Variants in FANCC observed in about 807,000 individuals in gnomAD.
FANCC encodes Fanconi anemia group C protein.
FANCC carries 55 observed loss-of-function variants against 71.3 expected under a neutral mutation model. That is an observed-to-expected ratio of 0.77 (90% CI 0.62 to 0.97). The LOEUF is 0.97. Among genes scored for constraint, FANCC ranks in the 50% least tolerant of loss-of-function variants. FANCC has a pLI of 0.00. For missense variants in FANCC, 678 were observed against 670.9 expected, an observed-to-expected ratio of 1.01 and a Z score of -0.12; for synonymous variants, 275 against 244.9, an observed-to-expected ratio of 1.12 and a Z score of -1.15.
intron 1 of FANCC, among the ~76,000 whole-genome samples, chr9:95,305,356 C>T (rs1228639032): frequency 1.3e-5 from 2 of 152,036 alleles, no homozygotes; most frequent in Admixed American, 1.3e-4. Context: ...CAAAATGATA[C>T]CTCACCAGAT....
chr9:95,317,472 C>G (rs925221467), intron 1 of FANCC, 54 bp downstream of exon 1: 1 of 152,372 alleles, frequency 6.6e-6, no homozygotes. Context: ...ACGTGTCGGC[C>G]AGACCCCCGA....
At chr9:95,110,227 TAA>T in intron 13 of FANCC, 2 of 998,134 alleles carry the variant, frequency 2.0e-6, no homozygotes, top group Non-Finnish European at 1.2e-6. Flanking sequence ...TTCTAGAAAT[TAA>T]GTGTTATTGA....
At chr9:95,258,895 AACAG>A (rs1831839118) in intron 1 of FANCC, among the ~76,000 whole-genome samples, 1 of 152,182 alleles carries the variant, frequency 6.6e-6, no homozygotes, top group African/African-American at 2.4e-5. Flanking sequence ...ATACACCAAT[AACAG>A]ACAAACAGAG....
At chr9:95,192,576 A>G (rs1344237897) in intron 4 of FANCC, among the ~76,000 whole-genome samples, 1 of 152,268 alleles carries the variant, frequency 6.6e-6, no homozygotes, top group Non-Finnish European at 1.5e-5. Context: ...ACACCATTCA[A>G]ATATGTTATT....
chr9:95,189,029 G>T (rs1172047247), intron 4 of FANCC, among the ~76,000 whole-genome samples: 1 of 152,154 alleles, frequency 6.6e-6, no homozygotes, highest in Non-Finnish European at 1.5e-5. Flanking sequence ...ATTCTGGGAT[G>T]CTATTCAAAT....
intron 1 of FANCC, among the ~76,000 whole-genome samples, chr9:95,252,131 T>C (rs1354573947): frequency 2.0e-5 from 3 of 151,570 alleles, no homozygotes; most frequent in Non-Finnish European, 4.4e-5. Flanking sequence ...TAACAAAAAT[T>C]AGCTGGGCGT....
intron 4 of FANCC, among the ~76,000 whole-genome samples, chr9:95,231,814 A>C (rs187807581): frequency 6.6e-6 from 1 of 152,326 alleles, no homozygotes; most frequent in African/African-American, 2.4e-5. Context: ...TAAAGGTATT[A>C]CTTGAAGGCC....
rs558960306 is a variant in FANCC, at chr9:95,220,885, A to G, written c.345+19764T>C. 1.2e-3 allele frequency among the ~76,000 whole-genome samples: 183 copies of G among 151,904 alleles called. 1 individual carries two copies. The highest frequency in any genetic ancestry group is 7.8e-4 in the Non-Finnish European group (53 of 67,980). On this transcript the variant is annotated intron_variant, in intron 4 of 14. Coordinates refer to ENST00000289081, the MANE Select transcript of FANCC (RefSeq NM_000136.3). ...GGCATAATAAAAAATAATAATAAAT[A>G]AATAAATAAATAAAAGAAATACAGG...
intron 4 of FANCC, among the ~76,000 whole-genome samples, chr9:95,197,415 T>C (rs948898951): frequency 6.6e-6 from 1 of 152,166 alleles, no homozygotes; most frequent in Admixed American, 6.5e-5. Context: ...GGCACGCATC[T>C]GTAGTCCCAA....
intron 1 of FANCC, among the ~76,000 whole-genome samples, chr9:95,250,918 A>T (rs191222362): frequency 1.3e-4 from 20 of 152,352 alleles, no homozygotes; most frequent in Admixed American, 2.6e-4. Flanking sequence ...CGCTTCCTTG[A>T]AAAGAAACTT....
At chr9:95,218,998 G>C (rs1331022960) in intron 4 of FANCC, among the ~76,000 whole-genome samples, 1 of 152,198 alleles carries the variant, frequency 6.6e-6, no homozygotes, top group Non-Finnish European at 1.5e-5. Flanking sequence ...GCATAGCATG[G>C]GAGAGACAAA....
chr9:95,121,893 T>C (rs1168292481), intron 10 of FANCC, among the ~76,000 whole-genome samples: 1 of 151,292 alleles, frequency 6.6e-6, no homozygotes, highest in Non-Finnish European at 1.5e-5. Flanking sequence ...AGTCTCGCTC[T>C]GTCGCCCAGG....
intron 10 of FANCC, among the ~76,000 whole-genome samples, chr9:95,117,923 T>C (rs2072558295): frequency 6.6e-6 from 1 of 152,162 alleles, no homozygotes; most frequent in Admixed American, 6.5e-5. Flanking sequence ...AGTTTCTCCA[T>C]GTTGGTCAGG....
intron 8 of FANCC, among the ~76,000 whole-genome samples, chr9:95,128,761 T>C (rs907610449): frequency 1.3e-5 from 2 of 152,226 alleles, no homozygotes; most frequent in Admixed American, 6.5e-5. Flanking sequence ...TCCTCTTAGA[T>C]TTCTTTCTTT....
chr9:95,233,666 G>A (rs1830138362), intron 4 of FANCC, among the ~76,000 whole-genome samples: 1 of 152,188 alleles, frequency 6.6e-6, no homozygotes, highest in Non-Finnish European at 1.5e-5. Flanking sequence ...AAAAGATGAA[G>A]AGAAGCTGCA....
chr9:95,232,626 C>T (rs1241749802), intron 4 of FANCC, among the ~76,000 whole-genome samples: 1 of 151,914 alleles, frequency 6.6e-6, no homozygotes, highest in Non-Finnish European at 1.5e-5. Flanking sequence ...TTTTTTTATG[C>T]CCCAAACAAT....
intron 1 of FANCC, among the ~76,000 whole-genome samples, chr9:95,264,314 T>A (rs1832253797): frequency 6.6e-6 from 1 of 151,908 alleles, no homozygotes; most frequent in Admixed American, 6.6e-5. Flanking sequence ...GTATGGAAAA[T>A]AAATACATAA....
rs1475866619 is a variant in FANCC at position 95,100,207 on chromosome 9, A to G, written c.*1500T>C. 4.5e-6 allele frequency: 1 copy of G among 223,114 alleles called. No individual in the cohort carries two copies. Among genetic ancestry groups the G allele is most frequent in the South Asian group, 1.8e-4 (1 of 5,528 alleles). The allele number at this position is 223,114 out of a possible 1,614,324, so 13.8% of individuals were successfully genotyped here. On this transcript the variant is annotated 3_prime_UTR_variant, in exon 15 of 15. Coordinates refer to ENST00000289081, the MANE Select transcript of FANCC (RefSeq NM_000136.3). ...GGATCATGATGGCACGAAGCATGTT[A>G]TATGAAGGCAATGACCATGAGCACG...
rs1826947677 is a variant in FANCC at position 95,189,497 on chromosome 9, CA to C, written c.346-17351del. On this transcript the variant is annotated intron_variant, in intron 4 of 14. Transcript: ENST00000289081. ...AGTCTGCAGCTTTTACTTTTGCTTA[CA>C]GAACCTCTTGCTTGCTCGCTCATTA... Among the ~76,000 whole-genome samples the C allele has an allele frequency of 1.8e-4, 28 of 151,524 alleles. 1 individual carries two copies. In the South Asian group the frequency reaches 5.7e-3, roughly 31 times the overall value.
Sources: gnomAD v4.1 joint callset for allele counts (sites outside exome capture counted in the v4.1 genomes callset) on GRCh38, gnomAD v4.1.1 for gene constraint, MANE v1.5 for transcripts, NCBI Gene and HGNC (gene_info 2026-07-23, HGNC 2026-07-21) for gene names.